Variants in HNRNPC observed in about 807,000 individuals in gnomAD.
HNRNPC encodes heterogeneous nuclear ribonucleoproteins C1/C2.
A neutral mutation model predicts 33.2 loss-of-function variants in HNRNPC; 3 were observed. The ratio of observed to expected loss-of-function variants is 0.09; its 90% CI spans 0.04 to 0.23. The LOEUF (loss-of-function observed/expected upper bound fraction) is 0.23, where lower values mean the gene tolerates loss of function less well. Ranked by LOEUF, HNRNPC falls within the 10% of genes least tolerant of loss-of-function variation. The pLI is 1.00. For missense variants in HNRNPC, 143 were observed against 366.7 expected (o/e 0.39, Z 4.98); for synonymous variants, 121 against 126.7 (o/e 0.96, Z 0.30).
At chr14:21,237,559 CAATACCTTTTTGT>C (rs1206312962) in intron 2 of HNRNPC, among the ~76,000 whole-genome samples, 1 of 152,172 alleles carries the variant, frequency 6.6e-6, no homozygotes, top group Non-Finnish European at 1.5e-5. Flanking sequence ...CTACAAGTGG[CAATACCTTTTTGT>C]GGTGTTATTG....
At chr14:21,226,998 A>G (rs1306212531) in intron 5 of HNRNPC, among the ~76,000 whole-genome samples, 1 of 151,974 alleles carries the variant, frequency 6.6e-6, no homozygotes, top group Non-Finnish European at 1.5e-5. Flanking sequence ...AATTTAACAT[A>G]GTCAATGAAG....
intron 2 of HNRNPC, among the ~76,000 whole-genome samples, chr14:21,249,862 CAACA>C (rs922728501): frequency 2.6e-5 from 4 of 152,112 alleles, no homozygotes; most frequent in African/African-American, 4.8e-5. Flanking sequence ...TGTAAGTATC[CAACA>C]AACACCAGGA....
intron 5 of HNRNPC, among the ~76,000 whole-genome samples, chr14:21,230,041 C>G (rs556792856): frequency 1.5e-3 from 225 of 152,282 alleles, no homozygotes; most frequent in African/African-American, 5.1e-3. Flanking sequence ...CAAAGCCACC[C>G]ATAACCCAGT....
intron 1 of HNRNPC, chr14:21,265,314 CA>C (rs369967368): frequency 1.4e-4 from 22 of 152,212 alleles, no homozygotes; most frequent in African/African-American, 5.1e-4. Context: ...TTTCAAGATA[CA>C]TAACTTTATA....
At chr14:21,238,089 CTT>C (rs1894922587) in intron 2 of HNRNPC, among the ~76,000 whole-genome samples, 1 of 152,122 alleles carries the variant, frequency 6.6e-6, no homozygotes, top group Admixed American at 6.5e-5. Flanking sequence ...ATTTTCTTGC[CTT>C]GTTACTCCCT....
At chr14:21,253,766 G>T (rs1008671189) in intron 2 of HNRNPC, among the ~76,000 whole-genome samples, 7 of 151,518 alleles carry the variant, frequency 4.6e-5, no homozygotes, top group African/African-American at 1.5e-4. Context: ...ACAAACTTAA[G>T]AACTTTTTAA....
rs1040300289 is a variant in HNRNPC at position 21,224,121 on chromosome 14, T to C, written c.365+6198A>G. ...ACAAACCCATCTCTCAGGTACAGTG[T>C]TACTCAAAAACATCTGAAAAATAGA... On this transcript the variant is annotated intron_variant, in intron 5 of 8. Coordinates refer to ENST00000553300, the MANE Select transcript of HNRNPC (RefSeq NM_004500.4). Among the ~76,000 whole-genome samples the C allele has an allele frequency of 1.5e-4, 23 of 152,112 alleles. 1 individual carries two copies. Among genetic ancestry groups the C allele is most frequent in the African/African-American group, 4.4e-4 (18 of 41,368 alleles).
rs866867359 is a variant in HNRNPC at position 21,260,372 on chromosome 14, A to T, written c.-37+2939T>A. On this transcript the variant is annotated intron_variant, in intron 2 of 8. Transcript: ENST00000553300. Reference sequence around the variant, plus strand: ...CAGAGCGAGACTCCGTCTTATTTAAAAAAAAAAAAAAAAAAAAATCCCTTT... The same window carrying T: ...CAGAGCGAGACTCCGTCTTATTTAATAAAAAAAAAAAAAAAAAATCCCTTT... Among the ~76,000 whole-genome samples the T allele has an allele frequency of 3.2e-3, 462 of 144,170 alleles. 2 individuals carry two copies. Among genetic ancestry groups the T allele is most frequent in the African/African-American group, 9.3e-3 (343 of 37,034 alleles). 94.6% of individuals were successfully genotyped at this position (144,170 alleles called of 152,430 possible).
At chr14:21,213,596 C>T (rs1236637078) in intron 5 of HNRNPC, among the ~76,000 whole-genome samples, 1 of 152,062 alleles carries the variant, frequency 6.6e-6, no homozygotes, top group African/African-American at 2.4e-5. Flanking sequence ...TCTTTTCACC[C>T]ACAGAAGCAC....
intron 5 of HNRNPC, among the ~76,000 whole-genome samples, chr14:21,227,658 G>C (rs1272732078): frequency 1.3e-5 from 2 of 152,170 alleles, no homozygotes; most frequent in Non-Finnish European, 2.9e-5. Flanking sequence ...GATTTCTTTA[G>C]ATTTCTCTGC....
At chr14:21,219,989 T>C (rs1312895158) in intron 5 of HNRNPC, among the ~76,000 whole-genome samples, 1 of 152,160 alleles carries the variant, frequency 6.6e-6, no homozygotes. Flanking sequence ...TTAAGATCCA[T>C]CTGCTTTTCA....
chr14:21,235,706 A>T (rs542722135), intron 2 of HNRNPC, among the ~76,000 whole-genome samples: 36 of 152,330 alleles, frequency 2.4e-4, no homozygotes, highest in African/African-American at 8.4e-4. Context: ...TAAAACAAAA[A>T]TCTGCATTGA....
intron 2 of HNRNPC, among the ~76,000 whole-genome samples, chr14:21,239,589 T>C (rs1895119725): frequency 6.6e-6 from 1 of 151,102 alleles, no homozygotes; most frequent in Non-Finnish European, 1.5e-5. Context: ...AAACCTAAAA[T>C]TAGGCCAGGC....
chr14:21,228,236 T>A (rs1402765261), intron 5 of HNRNPC, among the ~76,000 whole-genome samples: 2 of 152,222 alleles, frequency 1.3e-5, no homozygotes, highest in African/African-American at 4.8e-5. Flanking sequence ...ATTACTGGAA[T>A]GCTAAGCTTG....
At chr14:21,245,084 CAAAAAAAA>C (rs71112560) in intron 2 of HNRNPC, among the ~76,000 whole-genome samples, 3 of 54,606 alleles carry the variant, frequency 5.5e-5, no homozygotes, top group African/African-American at 1.3e-4. Context: ...GACTCCATCT[CAAAAAAAA>C]AAAAAAAAAA....
chr14:21,230,872 A>C (rs2139633398), intron 4 of HNRNPC, 125 bp downstream of exon 4: 1 of 1,060,908 alleles, frequency 9.4e-7, no homozygotes, highest in Non-Finnish European at 1.4e-6. Flanking sequence ...AACACAGTAC[A>C]CTTAAACCTC....
chr14:21,223,783 G>C (rs1321280758), intron 5 of HNRNPC, among the ~76,000 whole-genome samples: 2 of 152,012 alleles, frequency 1.3e-5, no homozygotes, highest in African/African-American at 4.8e-5. Flanking sequence ...ACTAATAACT[G>C]ATTTGTTCCA....
chr14:21,217,108 T>C (rs979045357), intron 5 of HNRNPC, among the ~76,000 whole-genome samples: 18 of 152,184 alleles, frequency 1.2e-4, no homozygotes, highest in African/African-American at 4.3e-4. Flanking sequence ...TTTCAGCCGG[T>C]GGGGCTTTTA....
intron 2 of HNRNPC, among the ~76,000 whole-genome samples, chr14:21,243,985 A>G (rs1416040200): frequency 1.3e-5 from 2 of 152,148 alleles, no homozygotes; most frequent in Non-Finnish European, 2.9e-5. Flanking sequence ...TGCTGATGAC[A>G]TAAGTAAATG....
Sources: gnomAD v4.1 joint callset for allele counts (sites outside exome capture counted in the v4.1 genomes callset) on GRCh38, gnomAD v4.1.1 for gene constraint, MANE v1.5 for transcripts, NCBI Gene and HGNC (gene_info 2026-07-23, HGNC 2026-07-21) for gene names.